EIF4ENIF1: variants seen among roughly 807,000 people sequenced by gnomAD.
EIF4ENIF1 encodes eukaryotic translation initiation factor 4E nuclear import factor 1.
A neutral mutation model predicts 110.5 loss-of-function variants in EIF4ENIF1; 23 were observed. The ratio of observed to expected loss-of-function variants is 0.21; its 90% CI spans 0.15 to 0.29. EIF4ENIF1 has a LOEUF of 0.29. EIF4ENIF1 is among the 10% of genes least tolerant of loss of function. The pLI, the probability that EIF4ENIF1 is intolerant of heterozygous loss-of-function variation, is 1.00. For missense variants in EIF4ENIF1, 1,031 were observed against 1,221.1 expected, an observed-to-expected ratio of 0.84 and a Z score of 2.32; for synonymous variants, 440 against 437.0, an observed-to-expected ratio of 1.01 and a Z score of -0.09.
chr22:31,454,195 T>C lies in EIF4ENIF1; in HGVS notation c.1461A>G (p.Leu487=). 1 of 1,614,218 alleles carries C rather than the reference T, an allele frequency of 6.2e-7. No homozygotes were observed. The highest frequency in any genetic ancestry group is 8.5e-7 in the Non-Finnish European group (1 of 1,180,034). ...KDGDMTAFNK[L]VSTMKASGTL... ...TCCCACTTGCCTTCATTGTGCTCAC[T>C]AGCTTGTTGAACGCAGTCATGTCTC... is the stretch of plus-strand genomic sequence containing the variant. Residue 487 remains leucine (L), a synonymous_variant, in exon 10 of 19, where the codon CTA becomes CTG. Coordinates refer to ENST00000330125, the MANE Select transcript of EIF4ENIF1 (RefSeq NM_019843.4).
intron 4 of EIF4ENIF1, among the ~76,000 whole-genome samples, chr22:31,465,647 ACAAC>A (rs2051160520): frequency 6.6e-6 from 1 of 152,232 alleles, no homozygotes; most frequent in Non-Finnish European, 1.5e-5. Context: ...CATCTGCTAT[ACAAC>A]CCAGCCATTT....
intron 4 of EIF4ENIF1, among the ~76,000 whole-genome samples, chr22:31,467,115 G>C (rs1409715593): frequency 6.6e-6 from 1 of 152,104 alleles, no homozygotes; most frequent in Non-Finnish European, 1.5e-5. Flanking sequence ...TGGATACACC[G>C]AAGTTTACGC....
At chr22:31,486,198 A>C (rs1017036544) in intron 2 of EIF4ENIF1, among the ~76,000 whole-genome samples, 119 of 152,110 alleles carry the variant, frequency 7.8e-4, no homozygotes, top group African/African-American at 2.7e-3. Flanking sequence ...TGAACCCCGG[A>C]GGCGGAGACT....
At position 31,464,700 on chromosome 22, in the gene EIF4ENIF1, AT is replaced by A. The variant is rs1448192024; in HGVS notation, c.299-734del. Among the ~76,000 whole-genome samples, 224 of 61,248 alleles carry A rather than the reference AT, an allele frequency of 3.7e-3. 2 individuals carry two copies. The highest frequency in any genetic ancestry group is 0.011 in the African/African-American group (156 of 13,640). The allele number at this position is 61,248 out of a possible 152,430, so 40.2% of individuals were successfully genotyped here. On this transcript the variant is annotated intron_variant, in intron 4 of 18. Transcript: ENST00000330125. ...CAAAAAAAAAAAAAAAAAAAAAAAA[AT>A]ATATATATATATATATATATATATA...
At chr22:31,475,213 G>A (rs936305764) in intron 2 of EIF4ENIF1, among the ~76,000 whole-genome samples, 1 of 152,168 alleles carries the variant, frequency 6.6e-6, no homozygotes, top group African/African-American at 2.4e-5. Flanking sequence ...TTGTAAGACT[G>A]AGATAAACAC....
chr22:31,448,199 T>C lies in EIF4ENIF1; in HGVS notation c.1802A>G (p.Asp601Gly). 6.2e-7 allele frequency: 1 copy of C among 1,614,160 alleles called. No homozygotes were observed. The highest frequency in any genetic ancestry group is 8.5e-7 in the Non-Finnish European group (1 of 1,180,006). The change falls in exon 13 of 19, where the codon GAT (aspartate) becomes GGT (glycine). Residue 601 changes from aspartate to glycine, a missense_variant. Physicochemically the swap from Asp to Gly is moderately conservative, Grantham distance 94 (BLOSUM62 -1). Coordinates refer to ENST00000330125, the MANE Select transcript of EIF4ENIF1 (RefSeq NM_019843.4). ...GGGTTTGCGCATGCCTTGGAATGGA[T>C]CTCCGAGTAGCTGCTGTGGTCCTGG... ...FTPGPQQLLG[D>G]PFQGMRKPMS...
intron 2 of EIF4ENIF1, among the ~76,000 whole-genome samples, chr22:31,486,025 T>C (rs1254369848): frequency 1.3e-5 from 2 of 151,806 alleles, no homozygotes; most frequent in Non-Finnish European, 2.9e-5. Context: ...GGCGGGTGGA[T>C]CACCTGAGGT....
chr22:31,437,794 CT>C (rs2050194567), downstream of EIF4ENIF1: 1 of 152,220 alleles, frequency 6.6e-6, no homozygotes, highest in African/African-American at 2.4e-5. Flanking sequence ...GCCATTGACA[CT>C]TGGGACTGCG....
chr22:31,463,552 C>A, intron 5 of EIF4ENIF1, 129 bp downstream of exon 5: 2 of 895,132 alleles, frequency 2.2e-6, no homozygotes, highest in Non-Finnish European at 3.3e-6. Context: ...TATGGTGGTG[C>A]GTGCCTATAA....
intron 4 of EIF4ENIF1, among the ~76,000 whole-genome samples, chr22:31,464,699 A>AAATAT (rs1304121964): frequency 1.3e-4 from 5 of 39,138 alleles, no homozygotes; most frequent in South Asian, 8.6e-4. Flanking sequence ...AAAAAAAAAA[A>AAATAT]ATATATATAT....
At chr22:31,448,047 C>A (rs1171595343) in intron 13 of EIF4ENIF1, 106 bp downstream of exon 13, 15 of 1,295,834 alleles carry the variant, frequency 1.2e-5, no homozygotes, top group Non-Finnish European at 1.7e-5. Flanking sequence ...CTATGCCTGG[C>A]CTCAAAACCA....
At position 31,465,407 on chromosome 22, in the gene EIF4ENIF1, G is replaced by A. The variant is rs116673566; in HGVS notation, c.299-1440C>T. Among the ~76,000 whole-genome samples, 784 of 151,746 alleles carry A rather than the reference G, an allele frequency of 5.2e-3. 5 individuals are homozygous for A. Among genetic ancestry groups the A allele is most frequent in the African/African-American group, 0.018 (742 of 41,378 alleles). On this transcript the variant is annotated intron_variant, in intron 4 of 18. Transcript: ENST00000330125. The stretch of plus-strand genomic sequence containing the variant: ...CTTCACCAAAGAGGTTATGTGGAAG[G>A]CAAATAAGCATATGAAAAGATACTC...
chr22:31,453,042 AAG>A (rs1377658250), intron 10 of EIF4ENIF1, among the ~76,000 whole-genome samples: 1 of 152,106 alleles, frequency 6.6e-6, no homozygotes, highest in Non-Finnish European at 1.5e-5. Context: ...ACAGGAAAAA[AAG>A]AGAGAAAACT....
Position 31,488,471 on chromosome 22 carries a change from G to A in EIF4ENIF1, c.96+152C>T, listed in dbSNP as rs893737174. Reference sequence around the variant, plus strand: ...TGGGTATCTACACTTGCAGAAAAATGTTCAAAGTAATGCACTACTAAATTT... The same window carrying A: ...TGGGTATCTACACTTGCAGAAAAATATTCAAAGTAATGCACTACTAAATTT... On this transcript the variant is annotated intron_variant, in intron 2 of 18. Coordinates refer to ENST00000330125, the MANE Select transcript of EIF4ENIF1 (RefSeq NM_019843.4). The A allele has an allele frequency of 2.4e-6, 3 of 1,236,526 alleles. No individual in the cohort carries two copies. In the African/African-American group the frequency reaches 4.5e-5, roughly 19 times the overall value. The allele number at this position is 1,236,526 out of a possible 1,614,324, so 76.6% of individuals were successfully genotyped here. A position where few individuals can be genotyped will look rare whatever the true frequency, so the allele number is the denominator to read the frequency against.
intron 11 of EIF4ENIF1, among the ~76,000 whole-genome samples, chr22:31,450,063 G>C (rs1353361267): frequency 2.0e-5 from 3 of 150,812 alleles, no homozygotes; most frequent in Non-Finnish European, 4.4e-5. Flanking sequence ...AACTGCAAAG[G>C]AAACTAGAAG....
intron 2 of EIF4ENIF1, among the ~76,000 whole-genome samples, chr22:31,473,784 T>C (rs1380315636): frequency 6.6e-6 from 1 of 152,236 alleles, no homozygotes; most frequent in Non-Finnish European, 1.5e-5. Context: ...CTAGTTTCTC[T>C]ACTATTTAGT....
In EIF4ENIF1 at chr22:31,455,297, A is replaced by G; in HGVS notation, c.1118T>C (p.Leu373Pro). Residue 373 changes from leucine (L) to proline (P), a missense_variant, in exon 9 of 19, where the codon CTC becomes CCC. Physicochemically the swap from Leu to Pro is moderately conservative, Grantham distance 98. This residue lies in a region of EIF4ENIF1 where 704 missense variants were observed against 879.7 expected (regional missense o/e 0.80). Transcript: ENST00000330125. ...ERLAGLEQAI[L>P]SPGQNSGNYF... ...ATTCCCCGAGTTCTGTCCAGGAGAGAGGATGGCTTGCTCCAGACCTGATAT... is the reference window on the plus strand; with the variant it reads ...ATTCCCCGAGTTCTGTCCAGGAGAGGGGATGGCTTGCTCCAGACCTGATAT... The G allele has an allele frequency of 6.3e-7, 1 of 1,594,174 alleles. No homozygotes were observed. The highest frequency in any genetic ancestry group is 8.5e-7 in the Non-Finnish European group (1 of 1,170,550).
intron 3 of EIF4ENIF1, 43 bp downstream of exon 3, chr22:31,471,801 G>A (rs1358468867): frequency 1.3e-6 from 2 of 1,502,394 alleles, no homozygotes. Flanking sequence ...ATAACAAAAA[G>A]TTATTGACTA....
In EIF4ENIF1 at chr22:31,439,664, C is replaced by G. The variant is rs1686881134; in HGVS notation, c.*216G>C. The G allele has an allele frequency of 1.6e-6, 1 of 624,622 alleles. No individual in the cohort carries two copies. The highest frequency in any genetic ancestry group is 3.1e-5 in the East Asian group (1 of 32,768). 38.7% of individuals were successfully genotyped at this position (624,622 alleles called of 1,614,324 possible). ...AAAGAAAGACCATTTCCAGGATTGA[C>G]AACATTGTGCATCCTGTATTCAGAC... is the stretch of plus-strand genomic sequence containing the variant. On this transcript the variant is annotated 3_prime_UTR_variant, in exon 19 of 19. Transcript: ENST00000330125.
Sources: allele counts gnomAD v4.1 joint callset (sites outside exome capture counted in the v4.1 genomes callset), GRCh38; gene constraint gnomAD v4.1.1; regional missense constraint gnomAD v4.1.1; transcripts MANE v1.5; gene names NCBI Gene and HGNC (gene_info 2026-07-23, HGNC 2026-07-21).